Variants in TNPO3 observed in about 807,000 individuals in gnomAD.
TNPO3 encodes transportin-3.
A neutral mutation model predicts 122.8 loss-of-function variants in TNPO3; 65 were observed. That is an observed-to-expected ratio of 0.53 (90% CI 0.43 to 0.65). The LOEUF is 0.65. Ranked by LOEUF, TNPO3 falls within the 30% of genes least tolerant of loss-of-function variation. TNPO3 has a pLI of 0.00. For synonymous variants in TNPO3, 372 were observed against 411.2 expected (o/e 0.90, Z 1.15); for missense variants, 850 against 1,136.7 (o/e 0.75, Z 3.63).
At position 129,033,851 on chromosome 7, in the gene TNPO3, T is replaced by G. The variant is rs911796812; in HGVS notation, c.121-15694A>C. Among the ~76,000 whole-genome samples the G allele has an allele frequency of 2.7e-5, 4 of 149,942 alleles. No homozygotes were observed. The Admixed American group carries it at 2.7e-4, about 10-fold the overall frequency. On this transcript the variant is annotated intron_variant, in intron 1 of 22. Transcript: ENST00000265388. ...TCACTTGAACTCGGGAGGCCAAGGT[T>G]GCAGTGAACCAAGATCATGCCACTG...
At chr7:128,972,091 C>A (rs1798548590) in intron 19 of TNPO3, among the ~76,000 whole-genome samples, 1 of 152,176 alleles carries the variant, frequency 6.6e-6, no homozygotes, top group Non-Finnish European at 1.5e-5. Context: ...TGTACTCCAG[C>A]CTAGGCGACA....
At position 129,018,122 on chromosome 7, in the gene TNPO3, C is replaced by T. The variant is rs574955525; in HGVS notation, c.156G>A (p.Gln52=). 1 of 1,614,156 alleles carries T rather than the reference C, an allele frequency of 6.2e-7. No individual in the cohort carries two copies. The highest frequency in any genetic ancestry group is 1.7e-5 in the Admixed American group (1 of 60,026). ...AGCATGACTCCACATCCTGCCGGAT[C>T]TGTAACAACTGGTCTGAGATCTCCC... is the stretch of plus-strand genomic sequence containing the variant. ...HAWEISDQLL[Q]IRQDVESCYF... The change falls in exon 2 of 23, where the codon CAG becomes CAA. Residue 52 remains glutamine, a synonymous_variant. Transcript: ENST00000265388.
intron 1 of TNPO3, among the ~76,000 whole-genome samples, chr7:129,031,841 T>A (rs1345796165): frequency 6.6e-6 from 1 of 152,264 alleles, no homozygotes; most frequent in Non-Finnish European, 1.5e-5. Flanking sequence ...TCTCAATTTT[T>A]AAATTTTTAT....
intron 20 of TNPO3, among the ~76,000 whole-genome samples, chr7:128,968,027 A>G (rs1286128597): frequency 6.6e-6 from 1 of 152,176 alleles, no homozygotes; most frequent in Non-Finnish European, 1.5e-5. Flanking sequence ...CTACAGGTGT[A>G]AGCACTTGAC....
chr7:129,020,781 T>C (rs978527614), intron 1 of TNPO3, among the ~76,000 whole-genome samples: 1 of 152,120 alleles, frequency 6.6e-6, no homozygotes, highest in South Asian at 2.1e-4. Context: ...TGAAGCTTTA[T>C]ACAATCTCCA....
intron 21 of TNPO3, among the ~76,000 whole-genome samples, chr7:128,964,867 G>A (rs1215780082): frequency 6.6e-6 from 1 of 152,130 alleles, no homozygotes; most frequent in Non-Finnish European, 1.5e-5. Context: ...AACAAATGGT[G>A]CTGGGAAAAC....
chr7:128,967,153 A>G, intron 21 of TNPO3, 127 bp downstream of exon 21: 1 of 649,182 alleles, frequency 1.5e-6, no homozygotes. Context: ...ATTGGCTTCC[A>G]ATGCCAATTT....
At chr7:129,048,917 A>G (rs971363542) in intron 1 of TNPO3, among the ~76,000 whole-genome samples, 2 of 152,244 alleles carry the variant, frequency 1.3e-5, no homozygotes, top group Admixed American at 6.5e-5. Context: ...GGACTACATA[A>G]ACAAATGTGA....
intron 1 of TNPO3, among the ~76,000 whole-genome samples, chr7:129,050,129 A>G (rs1163880403): frequency 2.0e-5 from 3 of 152,122 alleles, no homozygotes; most frequent in African/African-American, 7.2e-5. Context: ...CATGCCTGTA[A>G]TCCCAGCACT....
chr7:129,047,340 C>A (rs776439040), intron 1 of TNPO3, among the ~76,000 whole-genome samples: 6 of 152,236 alleles, frequency 3.9e-5, no homozygotes, highest in Non-Finnish European at 4.4e-5. Flanking sequence ...ACAACTTCTA[C>A]TAATTTTGGT....
intron 1 of TNPO3, among the ~76,000 whole-genome samples, chr7:129,019,449 A>G (rs562739263): frequency 6.6e-6 from 1 of 152,340 alleles, no homozygotes; most frequent in Non-Finnish European, 1.5e-5. Flanking sequence ...ATTGATACGA[A>G]GCAAGTTAAG....
At chr7:128,967,214 A>G (rs1355368088) in intron 21 of TNPO3, 66 bp downstream of exon 21, 18 of 1,053,492 alleles carry the variant, frequency 1.7e-5, no homozygotes, top group Non-Finnish European at 2.3e-5. Flanking sequence ...CCAAGGGCAC[A>G]TAAGAAATAA....
At chr7:128,985,397 C>A (rs1800039375) in intron 12 of TNPO3, among the ~76,000 whole-genome samples, 1 of 152,156 alleles carries the variant, frequency 6.6e-6, no homozygotes, top group Admixed American at 6.6e-5. Flanking sequence ...GAGTTCAAGA[C>A]CAGCCTGGGC....
chr7:128,988,280 A>G (rs1295069059), intron 11 of TNPO3, among the ~76,000 whole-genome samples: 1 of 152,226 alleles, frequency 6.6e-6, no homozygotes, highest in Non-Finnish European at 1.5e-5. Context: ...CTGGCCAATA[A>G]TAATGTCTTA....
chr7:128,980,242 G>A (rs1275444658), intron 14 of TNPO3, among the ~76,000 whole-genome samples: 1 of 152,096 alleles, frequency 6.6e-6, no homozygotes, highest in African/African-American at 2.4e-5. Context: ...AATAGAACAC[G>A]CAAATTCAAT....
At chr7:129,023,965 C>T (rs1804820716) in intron 1 of TNPO3, among the ~76,000 whole-genome samples, 1 of 152,150 alleles carries the variant, frequency 6.6e-6, no homozygotes, top group Admixed American at 6.5e-5. Flanking sequence ...CTAGTTACAT[C>T]ACACACAAAA....
chr7:129,029,142 T>A (rs760166089), intron 1 of TNPO3: 7 of 212,642 alleles, frequency 3.3e-5, no homozygotes, highest in Non-Finnish European at 6.7e-5. Context: ...CTTGCTGCCA[T>A]CGGGACAGGA....
Position 129,031,137 on chromosome 7 carries a change from AT to A in TNPO3, c.121-12981del, listed in dbSNP as rs1290946020. On this transcript the variant is annotated intron_variant, in intron 1 of 22. Transcript: ENST00000265388. ...CTGTCTCTACTAAAAATACAAAAAA[AT>A]AAATAAATAAACTAGCCAGGCCTGA... Among the ~76,000 whole-genome samples, 7 of 152,258 alleles carry A rather than the reference AT, an allele frequency of 4.6e-5. No homozygotes were observed. In the East Asian group the frequency reaches 1.4e-3, roughly 29 times the overall value.
At chr7:128,971,650 G>A (rs1224024151) in intron 19 of TNPO3, among the ~76,000 whole-genome samples, 5 of 152,152 alleles carry the variant, frequency 3.3e-5, no homozygotes, top group Admixed American at 1.3e-4. Context: ...ACCTACCTTC[G>A]AAATTCCTGT....
Sources: allele counts gnomAD v4.1 joint callset (sites outside exome capture counted in the v4.1 genomes callset), GRCh38; gene constraint gnomAD v4.1.1; transcripts MANE v1.5; gene names NCBI Gene and HGNC (gene_info 2026-07-23, HGNC 2026-07-21).